Variants in FGF14 observed in about 807,000 individuals in gnomAD.
FGF14 encodes fibroblast growth factor 14, also known as fibroblast growth factor homologous factor 4.
Under a neutral mutation model 25.5 loss-of-function variants are expected in FGF14, and 5 were observed. The ratio of observed to expected loss-of-function variants is 0.20; its 90% CI spans 0.10 to 0.41. FGF14 has a LOEUF of 0.41. Ranked by LOEUF, FGF14 falls within the 10% of genes least tolerant of loss-of-function variation. FGF14 has a pLI of 1.00. For synonymous variants in FGF14, 138 were observed against 118.3 expected (o/e 1.17, Z -1.08); for missense variants, 222 against 320.1 (o/e 0.69, Z 2.34).
chr13:102,261,245 T>C (rs886797488), intron 1 of FGF14, among the ~76,000 whole-genome samples: 8 of 152,190 alleles, frequency 5.3e-5, no homozygotes, highest in African/African-American at 1.2e-4. Flanking sequence ...TTAGATAATT[T>C]TGGAAAATAT....
At chr13:102,070,614 A>C (rs1420398621) in intron 1 of FGF14, among the ~76,000 whole-genome samples, 1 of 152,230 alleles carries the variant, frequency 6.6e-6, no homozygotes, top group Non-Finnish European at 1.5e-5. Flanking sequence ...ACAATACCCA[A>C]GATTTGAAAG....
At chr13:102,345,890 T>C (rs750288643) in intron 1 of FGF14, among the ~76,000 whole-genome samples, 9 of 152,342 alleles carry the variant, frequency 5.9e-5, no homozygotes, top group East Asian at 3.9e-4. Flanking sequence ...ATAGATTCAA[T>C]AGCCAATTAA....
At chr13:102,284,149 T>C (rs545643965) in intron 1 of FGF14, among the ~76,000 whole-genome samples, 1 of 152,244 alleles carries the variant, frequency 6.6e-6, no homozygotes, top group Non-Finnish European at 1.5e-5. Context: ...AGAGCAGCTT[T>C]CTTGATGTCA....
intron 1 of FGF14, among the ~76,000 whole-genome samples, chr13:101,924,435 A>G (rs1362520233): frequency 6.6e-6 from 1 of 152,188 alleles, no homozygotes. Context: ...AAGGTAATTA[A>G]AATAGTGATT....
intron 1 of FGF14, among the ~76,000 whole-genome samples, chr13:102,099,247 C>T (rs1436033052): frequency 6.6e-6 from 1 of 152,100 alleles, no homozygotes; most frequent in South Asian, 2.1e-4. Flanking sequence ...AAAAGGCAAG[C>T]AATGCATATT....
At chr13:101,836,641 T>G (rs1382643619) in intron 3 of FGF14, among the ~76,000 whole-genome samples, 1 of 152,130 alleles carries the variant, frequency 6.6e-6, no homozygotes, top group East Asian at 1.9e-4. Context: ...TTATCTTGTA[T>G]TCATATACCT....
intron 3 of FGF14, among the ~76,000 whole-genome samples, chr13:101,836,410 T>C (rs1246688192): frequency 6.6e-6 from 1 of 152,062 alleles, no homozygotes; most frequent in Admixed American, 6.6e-5. Flanking sequence ...TTTAGTGCTA[T>C]ACTGGACCAG....
In FGF14 at chr13:101,968,448, C is replaced by T. The variant is rs542994111; in HGVS notation, c.209-93152G>A. On this transcript the variant is annotated intron_variant, in intron 1 of 4. Transcript: ENST00000376131. ...CAGCACTTTGGGAGACCGAGGCAGG[C>T]GGATCATGAGGTCAGGAGATCGAGA... Among the ~76,000 whole-genome samples the T allele has an allele frequency of 1.6e-4, 25 of 151,778 alleles. No homozygotes were observed. The East Asian group carries it at 3.1e-3, about 19-fold the overall frequency.
chr13:101,999,563 T>C (rs1288166715), intron 1 of FGF14, among the ~76,000 whole-genome samples: 1 of 152,122 alleles, frequency 6.6e-6, no homozygotes, highest in African/African-American at 2.4e-5. Flanking sequence ...AATGGGACAA[T>C]TACTTTATTC....
intron 3 of FGF14, among the ~76,000 whole-genome samples, chr13:101,819,312 G>GTTAT (rs1594364077): frequency 6.6e-6 from 1 of 152,302 alleles, no homozygotes; most frequent in East Asian, 1.9e-4. Flanking sequence ...TCATAAGACA[G>GTTAT]TTATTTCTCT....
At chr13:102,058,757 C>T (rs1389944846) in intron 1 of FGF14, among the ~76,000 whole-genome samples, 2 of 152,050 alleles carry the variant, frequency 1.3e-5, no homozygotes, top group Non-Finnish European at 2.9e-5. Context: ...TTAATGTAAT[C>T]TAATAACCAG....
At chr13:101,918,197 G>GA (rs1368375387), upstream of FGF14, among the ~76,000 whole-genome samples, 81 of 151,734 alleles carry the variant, frequency 5.3e-4, no homozygotes, top group African/African-American at 1.8e-3. Flanking sequence ...GAGGGCACCC[G>GA]AAAAAAACAA....
intron 1 of FGF14, among the ~76,000 whole-genome samples, chr13:101,923,514 C>A (rs1452567335): frequency 6.6e-6 from 1 of 152,000 alleles, no homozygotes; most frequent in African/African-American, 2.4e-5. Flanking sequence ...GTACTTGGGG[C>A]AAATTTTCAA....
intron 1 of FGF14, among the ~76,000 whole-genome samples, chr13:102,283,129 C>T (rs553513065): frequency 5.7e-4 from 87 of 152,266 alleles, no homozygotes; most frequent in East Asian, 3.1e-3. Context: ...CCTGCCATCA[C>T]GCTCATGTTC....
intron 1 of FGF14, among the ~76,000 whole-genome samples, chr13:102,149,256 T>C (rs549044807): frequency 3.3e-5 from 5 of 152,200 alleles, no homozygotes; most frequent in Admixed American, 3.3e-4. Flanking sequence ...CTCATTGATA[T>C]AAAATGGCCT....
intron 1 of FGF14, among the ~76,000 whole-genome samples, chr13:102,196,048 T>C (rs2049336877): frequency 6.6e-6 from 1 of 152,210 alleles, no homozygotes; most frequent in South Asian, 2.1e-4. Flanking sequence ...AAGCAGGATG[T>C]ATGTGTCACC....
intron 1 of FGF14, among the ~76,000 whole-genome samples, chr13:102,000,444 GTA>G (rs1395989023): frequency 1.8e-4 from 27 of 152,322 alleles, no homozygotes; most frequent in Admixed American, 1.4e-3. Flanking sequence ...TAAAGAGGCT[GTA>G]TGGAAGAATA....
At chr13:102,303,195 G>A (rs114424116) in intron 1 of FGF14, among the ~76,000 whole-genome samples, 332 of 152,228 alleles carry the variant, frequency 2.2e-3, no homozygotes, top group African/African-American at 7.3e-3. Context: ...CCAGACACCT[G>A]TATGCTCTTT....
At chr13:102,012,935 C>T (rs923897929) in intron 1 of FGF14, among the ~76,000 whole-genome samples, 4 of 152,068 alleles carry the variant, frequency 2.6e-5, no homozygotes, top group South Asian at 4.2e-4. Flanking sequence ...TGATACAAGC[C>T]GGGGTATTCA....
Sources: gnomAD v4.1 joint callset for allele counts (sites outside exome capture counted in the v4.1 genomes callset) on GRCh38, gnomAD v4.1.1 for gene constraint, MANE v1.5 for transcripts, NCBI Gene and HGNC (gene_info 2026-07-23, HGNC 2026-07-21) for gene names.